The following ERBB4 variants were observed in gnomAD, a reference collection of about 807,000 sequenced individuals.
The protein encoded by ERBB4 is erb-b2 receptor tyrosine kinase 4.
Under a neutral mutation model 158.0 loss-of-function variants are expected in ERBB4, and 42 were observed. The observed-to-expected ratio is 0.27, with a 90% confidence interval of 0.21 to 0.34. ERBB4 has a LOEUF of 0.34. ERBB4 is among the 10% of genes least tolerant of loss of function. The pLI, the probability that ERBB4 is intolerant of heterozygous loss-of-function variation, is 1.00. For missense variants in ERBB4, 1,333 were observed against 1,624.1 expected, an observed-to-expected ratio of 0.82 and a Z score of 3.08; for synonymous variants, 583 against 558.7, an observed-to-expected ratio of 1.04 and a Z score of -0.61.
intron 2 of ERBB4, among the ~76,000 whole-genome samples, chr2:212,043,630 A>C (rs2077191152): frequency 6.6e-6 from 1 of 152,150 alleles, no homozygotes; most frequent in Admixed American, 6.6e-5. Context: ...TATGCAGTTA[A>C]GATGCCTACT....
In ERBB4 at chr2:211,970,772, T is replaced by C. The variant is rs183478111; in HGVS notation, c.235-23156A>G. On this transcript the variant is annotated intron_variant, in intron 2 of 27. Transcript: ENST00000342788. ...CTTTATTTTGAGCCTATGTGTGTCA[T>C]AGCATGTGAGATGGGTCTCTTAGAG... Among the ~76,000 whole-genome samples, 125 of 152,272 alleles carry C rather than the reference T, an allele frequency of 8.2e-4. 1 individual carries two copies. Among genetic ancestry groups the C allele is most frequent in the African/African-American group, 2.6e-3 (106 of 41,564 alleles).
At chr2:211,746,674 C>G (rs1156692106) in intron 5 of ERBB4, among the ~76,000 whole-genome samples, 4 of 151,732 alleles carry the variant, frequency 2.6e-5, no homozygotes, top group Non-Finnish European at 4.4e-5. Context: ...ACTAAAAGTA[C>G]AAAAAATTAG....
intron 20 of ERBB4, among the ~76,000 whole-genome samples, chr2:211,451,921 T>C (rs1339850280): frequency 6.6e-6 from 1 of 152,180 alleles, no homozygotes; most frequent in Non-Finnish European, 1.5e-5. Context: ...ACTGGAAATA[T>C]CAAGTTATCA....
intron 1 of ERBB4, among the ~76,000 whole-genome samples, chr2:212,139,196 C>A (rs544865073): frequency 6.6e-6 from 1 of 152,110 alleles, no homozygotes; most frequent in African/African-American, 2.4e-5. Flanking sequence ...CTATGACACA[C>A]AAAGAAGAGC....
chr2:211,574,787 T>C (rs1356806948), intron 19 of ERBB4, among the ~76,000 whole-genome samples: 1 of 152,212 alleles, frequency 6.6e-6, no homozygotes. Flanking sequence ...AAAGAGATTA[T>C]TAGACCTGTC....
chr2:211,939,967 AT>A (rs66826597), intron 3 of ERBB4, among the ~76,000 whole-genome samples: 3,298 of 117,656 alleles, frequency 0.028, 113 homozygotes, highest in African/African-American at 0.093. Flanking sequence ...GAAAAAAAAA[AT>A]ATATATATAT....
At chr2:211,409,927 T>C (rs1035402439) in intron 25 of ERBB4, among the ~76,000 whole-genome samples, 1 of 152,184 alleles carries the variant, frequency 6.6e-6, no homozygotes, top group Non-Finnish European at 1.5e-5. Flanking sequence ...CGCGAGTACA[T>C]AGTTACTTAT....
intron 16 of ERBB4, among the ~76,000 whole-genome samples, chr2:211,644,128 C>T (rs947208438): frequency 2.6e-5 from 4 of 151,978 alleles, no homozygotes; most frequent in Middle Eastern, 3.4e-3. Flanking sequence ...GGGGACTTGG[C>T]GAAAAGACAA....
chr2:212,191,358 G>A (rs2082181908), intron 1 of ERBB4, among the ~76,000 whole-genome samples: 2 of 151,848 alleles, frequency 1.3e-5, no homozygotes, highest in Admixed American at 1.3e-4. Context: ...TACTGCAAAT[G>A]AGTTTTAATG....
intron 2 of ERBB4, among the ~76,000 whole-genome samples, chr2:211,951,404 G>A (rs2080872077): frequency 6.6e-6 from 1 of 152,114 alleles, no homozygotes; most frequent in African/African-American, 2.4e-5. Context: ...GCTCTAGAAT[G>A]TGTGATAGGT....
intron 2 of ERBB4, among the ~76,000 whole-genome samples, chr2:212,064,769 TAGAG>T (rs1222802554): frequency 6.6e-6 from 1 of 151,798 alleles, no homozygotes; most frequent in Non-Finnish European, 1.5e-5. Context: ...AGCGATTTGG[TAGAG>T]AAAGAAAAAG....
At chr2:211,415,153 G>C in intron 25 of ERBB4, among the ~76,000 whole-genome samples, 1 of 109,826 alleles carries the variant, frequency 9.1e-6, no homozygotes, top group East Asian at 2.9e-4. Context: ...GTCTCGCTCT[G>C]TCGCCCAGGC....
chr2:212,076,737 C>A (rs113452919), intron 2 of ERBB4, among the ~76,000 whole-genome samples: 21 of 151,700 alleles, frequency 1.4e-4, no homozygotes, highest in African/African-American at 4.8e-4. Flanking sequence ...AAAAAGCCAC[C>A]GACACAAAAC....
chr2:211,771,771 G>A (rs766460189), intron 4 of ERBB4, among the ~76,000 whole-genome samples: 9 of 151,964 alleles, frequency 5.9e-5, no homozygotes, highest in South Asian at 2.1e-4. Context: ...TAGGGGCTAC[G>A]ATCAGTTCAT....
intron 12 of ERBB4, among the ~76,000 whole-genome samples, chr2:211,687,754 A>C (rs1284788396): frequency 6.6e-6 from 1 of 152,090 alleles, no homozygotes; most frequent in Non-Finnish European, 1.5e-5. Flanking sequence ...TGCAGCAAAA[A>C]GAAAACTCAG....
chr2:212,076,242 T>G (rs532593869), intron 2 of ERBB4, among the ~76,000 whole-genome samples: 1 of 152,010 alleles, frequency 6.6e-6, no homozygotes, highest in African/African-American at 2.4e-5. Context: ...ATATTCTATA[T>G]TTCGGACTTT....
chr2:212,062,622 G>T (rs930663456), intron 2 of ERBB4, among the ~76,000 whole-genome samples: 1 of 151,872 alleles, frequency 6.6e-6, no homozygotes, highest in Non-Finnish European at 1.5e-5. Flanking sequence ...GGCCAGGATG[G>T]TATCAATCTC....
intron 3 of ERBB4, among the ~76,000 whole-genome samples, chr2:211,853,974 T>C (rs1198422657): frequency 1.3e-5 from 2 of 152,112 alleles, no homozygotes; most frequent in African/African-American, 4.8e-5. Context: ...TTCTCATTCT[T>C]AACAATATGA....
intron 1 of ERBB4, among the ~76,000 whole-genome samples, chr2:212,322,587 T>G (rs770230208): frequency 3.3e-5 from 5 of 150,590 alleles, no homozygotes; most frequent in Admixed American, 2.0e-4. Flanking sequence ...AAGAGGTTAT[T>G]AGATGAAAAT....
Sources: gnomAD v4.1 joint callset for allele counts (sites outside exome capture counted in the v4.1 genomes callset) on GRCh38, gnomAD v4.1.1 for gene constraint, MANE v1.5 for transcripts, NCBI Gene and HGNC (gene_info 2026-07-23, HGNC 2026-07-21) for gene names.